ELP1: variants seen among roughly 807,000 people sequenced by gnomAD.
ELP1 encodes elongator acetyltransferase complex subunit 1.
ELP1 carries 131 observed loss-of-function variants against 183.2 expected under a neutral mutation model. The observed-to-expected ratio is 0.72, with a 90% CI of 0.62 to 0.83. The LOEUF (loss-of-function observed/expected upper bound fraction) is 0.83, where lower values mean the gene tolerates loss of function less well. Ranked by LOEUF, ELP1 falls within the 40% of genes least tolerant of loss-of-function variation. ELP1 has a pLI of 0.00. For synonymous variants in ELP1, 555 were observed against 569.0 expected, an observed-to-expected ratio of 0.98 and a Z score of 0.35; for missense variants, 1,550 against 1,594.9, an observed-to-expected ratio of 0.97 and a Z score of 0.48.
At chr9:108,895,836 G>A (rs547451942) in intron 25 of ELP1, among the ~76,000 whole-genome samples, 22 of 152,270 alleles carry the variant, frequency 1.4e-4, no homozygotes, top group South Asian at 6.2e-4. Flanking sequence ...TGTGCTCCAT[G>A]TGCCCACCCT....
At chr9:108,895,315 G>C (rs1018795105) in intron 25 of ELP1, among the ~76,000 whole-genome samples, 1 of 152,168 alleles carries the variant, frequency 6.6e-6, no homozygotes, top group African/African-American at 2.4e-5. Flanking sequence ...AAGCATATAG[G>C]AGGGTCACCT....
intron 29 of ELP1, among the ~76,000 whole-genome samples, chr9:108,884,911 C>T (rs1828066876): frequency 6.6e-6 from 1 of 151,892 alleles, no homozygotes; most frequent in Non-Finnish European, 1.5e-5. Flanking sequence ...AACACCCCAT[C>T]TCTACAAAAA....
chr9:108,912,909 C>G (rs1235880226), intron 10 of ELP1, among the ~76,000 whole-genome samples: 1 of 137,518 alleles, frequency 7.3e-6, no homozygotes, highest in African/African-American at 2.7e-5. Context: ...CGCCCACCAC[C>G]ACACCCGGCT....
intron 6 of ELP1, among the ~76,000 whole-genome samples, chr9:108,920,825 G>A (rs1462043402): frequency 3.9e-5 from 6 of 152,036 alleles, no homozygotes; most frequent in Admixed American, 1.3e-4. Context: ...GTAGTTTACT[G>A]GATAGTACAT....
chr9:108,909,274 C>G (rs1829124879), intron 12 of ELP1, among the ~76,000 whole-genome samples: 1 of 152,126 alleles, frequency 6.6e-6, no homozygotes, highest in Admixed American at 6.5e-5. Context: ...TATCTTTTGT[C>G]TACACCTAGA....
chr9:108,929,498 GC>G (rs1264232151), intron 3 of ELP1, among the ~76,000 whole-genome samples: 3 of 152,182 alleles, frequency 2.0e-5, no homozygotes, highest in Non-Finnish European at 4.4e-5. Context: ...CATAAGAATA[GC>G]CAGTTTTAAC....
intron 28 of ELP1, 34 bp downstream of exon 28, chr9:108,891,169 T>C: frequency 1.3e-6 from 2 of 1,597,692 alleles, no homozygotes; most frequent in Non-Finnish European, 1.7e-6. Context: ...TTTAAAACCT[T>C]TGTAGATGTA....
At chr9:108,873,628 C>A (rs969442751) in intron 36 of ELP1, among the ~76,000 whole-genome samples, 2 of 152,080 alleles carry the variant, frequency 1.3e-5, no homozygotes, top group Admixed American at 6.5e-5. Context: ...AGGCCAGCAA[C>A]GAGGAACACA....
chr9:108,931,630 A>C (rs1369142107), intron 1 of ELP1, among the ~76,000 whole-genome samples: 1 of 152,248 alleles, frequency 6.6e-6, no homozygotes, highest in Non-Finnish European at 1.5e-5. Context: ...ATATACTGGC[A>C]GTTGAAGAGA....
At chr9:108,888,883 G>T (rs969213706) in intron 29 of ELP1, among the ~76,000 whole-genome samples, 5 of 152,112 alleles carry the variant, frequency 3.3e-5, no homozygotes, top group African/African-American at 7.2e-5. Flanking sequence ...ACTACCAAAT[G>T]CTCATATGGG....
chr9:108,924,041 G>T (rs1457388508), intron 5 of ELP1, among the ~76,000 whole-genome samples: 4 of 152,198 alleles, frequency 2.6e-5, no homozygotes, highest in Non-Finnish European at 5.9e-5. Context: ...AAATGGTAGT[G>T]ACTATCCTGG....
intron 28 of ELP1, among the ~76,000 whole-genome samples, chr9:108,890,184 A>G (rs1186273856): frequency 1.3e-5 from 2 of 152,226 alleles, no homozygotes; most frequent in Non-Finnish European, 2.9e-5. Flanking sequence ...GAAAGGAACA[A>G]TGGAGACCGA....
chr9:108,877,824 T>C (rs1032256576), intron 35 of ELP1, among the ~76,000 whole-genome samples, 171 bp downstream of exon 35: 5 of 152,200 alleles, frequency 3.3e-5, no homozygotes, highest in Admixed American at 6.5e-5. Flanking sequence ...TACTAGTCAC[T>C]CTACAGGCAA....
At chr9:108,911,743 C>T (rs1044532389) in intron 11 of ELP1, among the ~76,000 whole-genome samples, 1 of 152,074 alleles carries the variant, frequency 6.6e-6, no homozygotes, top group Non-Finnish European at 1.5e-5. Flanking sequence ...TCAGTCTTGC[C>T]CTTCCCACCC....
intron 13 of ELP1, 35 bp downstream of exon 13, chr9:108,908,270 C>G: frequency 6.7e-7 from 1 of 1,494,320 alleles, no homozygotes; most frequent in South Asian, 1.1e-5. Flanking sequence ...CTGGCTGATT[C>G]TGTTCCCAGA....
At chr9:108,882,286 T>A in intron 29 of ELP1, 99 bp from the exon 30 acceptor site, 1 of 960,336 alleles carries the variant, frequency 1.0e-6, no homozygotes, top group Non-Finnish European at 1.6e-6. Context: ...TCTATCTCCC[T>A]GGCCAGGGGA....
chr9:108,925,069 T>C (rs1447424680), intron 5 of ELP1, among the ~76,000 whole-genome samples: 2 of 152,202 alleles, frequency 1.3e-5, no homozygotes, highest in African/African-American at 4.8e-5. Flanking sequence ...TTCCTGCTTC[T>C]AGCCCCACAC....
intron 1 of ELP1, among the ~76,000 whole-genome samples, chr9:108,932,341 C>T (rs1239696832): frequency 6.6e-6 from 1 of 151,940 alleles, no homozygotes; most frequent in Non-Finnish European, 1.5e-5. Context: ...ACATATCATG[C>T]AGGTTTTTTT....
intron 25 of ELP1, among the ~76,000 whole-genome samples, chr9:108,895,122 G>A (rs745364454): frequency 5.3e-5 from 8 of 152,264 alleles, no homozygotes; most frequent in African/African-American, 7.2e-5. Context: ...GGTGGTGCAC[G>A]CCTGTAAGCT....
Sources: allele counts gnomAD v4.1 joint callset (sites outside exome capture counted in the v4.1 genomes callset), GRCh38; gene constraint gnomAD v4.1.1; transcripts MANE v1.5; gene names NCBI Gene and HGNC (gene_info 2026-07-23, HGNC 2026-07-21).